SHISA6: variants seen among roughly 807,000 people sequenced by gnomAD.
SHISA6 encodes protein shisa-6.
Under a neutral mutation model 47.9 loss-of-function variants are expected in SHISA6, and 22 were observed. That is an observed-to-expected ratio of 0.46 (90% confidence interval 0.33 to 0.66). The LOEUF (loss-of-function observed/expected upper bound fraction) is 0.66, where lower values mean the gene tolerates loss of function less well. Among genes scored for constraint, SHISA6 ranks in the 30% least tolerant of loss-of-function variants. The pLI, the probability that SHISA6 is intolerant of heterozygous loss-of-function variation, is 0.02. For synonymous variants in SHISA6, 388 were observed against 337.8 expected (o/e 1.15, Z -1.63); for missense variants, 680 against 764.6 (o/e 0.89, Z 1.30).
At chr17:11,476,867 C>G (rs1172517250) in intron 3 of SHISA6, among the ~76,000 whole-genome samples, 1 of 152,092 alleles carries the variant, frequency 6.6e-6, no homozygotes, top group African/African-American at 2.4e-5. Context: ...ACTAATGTCT[C>G]CAACTGTAAC....
intron 3 of SHISA6, among the ~76,000 whole-genome samples, chr17:11,491,436 G>C (rs573402688): frequency 6.6e-6 from 1 of 152,250 alleles, no homozygotes; most frequent in South Asian, 2.1e-4. Flanking sequence ...AAGTAGCTGG[G>C]ACTACAAGCG....
chr17:11,422,666 G>A (rs1251827400), intron 3 of SHISA6, among the ~76,000 whole-genome samples: 1 of 151,908 alleles, frequency 6.6e-6, no homozygotes, highest in Non-Finnish European at 1.5e-5. Context: ...AGAGGCTAAG[G>A]CACAGAGAAT....
Position 11,241,481 on chromosome 17 carries a change from T to TCAG in SHISA6, c.59_60insCAG (p.Leu20_Pro21insArg). The TCAG allele has an allele frequency of 8.5e-7, 1 of 1,180,280 alleles. No individual in the cohort carries two copies. Among genetic ancestry groups the TCAG allele is most frequent in the Non-Finnish European group, 1.1e-6 (1 of 941,378 alleles). The allele number at this position is 1,180,280 out of a possible 1,614,324, so 73.1% of individuals were successfully genotyped here. ...CTCTCGCTGGAGTCCCTGGACCTGC[T>TCAG]GCCCAGCGTCCACGGAGCCCGCGGC... On this transcript the variant is annotated inframe_insertion, in exon 1 of 6. Transcript: ENST00000441885. The surrounding 1 kb of genome is among the most constrained non-coding windows in gnomAD (Gnocchi z 5.5).
intron 3 of SHISA6, among the ~76,000 whole-genome samples, chr17:11,451,526 C>G (rs1298583366): frequency 6.6e-6 from 1 of 152,102 alleles, no homozygotes; most frequent in Non-Finnish European, 1.5e-5. Flanking sequence ...GTGGCCTGAG[C>G]AAATCAAACA....
At position 11,525,646 on chromosome 17, in the gene SHISA6, AAAAAAC is replaced by A. The variant is rs1267586716; in HGVS notation, c.896-26244_896-26239del. Among the ~76,000 whole-genome samples, 73 of 94,350 alleles carry A rather than the reference AAAAAAC, an allele frequency of 7.7e-4. 2 individuals are homozygous for A. The highest frequency in any genetic ancestry group is 2.1e-3 in the African/African-American group (43 of 20,818). The allele number at this position is 94,350 out of a possible 152,430, so 61.9% of individuals were successfully genotyped here. On this transcript the variant is annotated intron_variant, in intron 3 of 5. Coordinates refer to ENST00000441885, the MANE Select transcript of SHISA6 (RefSeq NM_207386.4). The stretch of plus-strand genomic sequence containing the variant: ...GACTCCGTCTCAAAAAAAAAAAAAA[AAAAAAC>A]AAAAAAAAAAAAACGTGTTATAATA...
chr17:11,296,810 T>A (rs1227375469), intron 2 of SHISA6, among the ~76,000 whole-genome samples: 1 of 151,858 alleles, frequency 6.6e-6, no homozygotes, highest in East Asian at 1.9e-4. Context: ...TAGGAGCTGA[T>A]CAGAAAGGGA....
chr17:11,276,896 G>A (rs1434952250), intron 2 of SHISA6, among the ~76,000 whole-genome samples: 1 of 152,094 alleles, frequency 6.6e-6, no homozygotes, highest in African/African-American at 2.4e-5. Flanking sequence ...ACAATTACCA[G>A]GTTTATGAAA....
At chr17:11,543,723 A>C (rs1036433638) in intron 3 of SHISA6, among the ~76,000 whole-genome samples, 10 of 152,136 alleles carry the variant, frequency 6.6e-5, no homozygotes, top group African/African-American at 2.2e-4. Flanking sequence ...ATATAGCAAC[A>C]GTAATCAAAA....
At chr17:11,516,533 G>T (rs1054231707) in intron 3 of SHISA6, among the ~76,000 whole-genome samples, 2 of 152,172 alleles carry the variant, frequency 1.3e-5, no homozygotes, top group African/African-American at 2.4e-5. Flanking sequence ...GAAGGAGGGG[G>T]ATCTCAGGGA....
At chr17:11,247,469 A>C (rs1021561146) in intron 1 of SHISA6, among the ~76,000 whole-genome samples, 2 of 152,080 alleles carry the variant, frequency 1.3e-5, no homozygotes, top group African/African-American at 4.8e-5. Context: ...CTCCCCATTC[A>C]AACACCTGTA....
Position 11,493,337 on chromosome 17 carries a change from C to T in SHISA6, c.896-58559C>T, listed in dbSNP as rs571226714. ...CCACCACGGAGTTCAAGCAATTCTC[C>T]TGCCTCAGTCTCTGGAGTAGCTGGG... On this transcript the variant is annotated intron_variant, in intron 3 of 5. Coordinates refer to ENST00000441885, the MANE Select transcript of SHISA6 (RefSeq NM_207386.4). Among the ~76,000 whole-genome samples the T allele has an allele frequency of 6.6e-5, 10 of 152,260 alleles. No individual in the cohort carries two copies. The East Asian group carries it at 1.6e-3, about 24-fold the overall frequency.
At chr17:11,316,107 CT>C (rs1910503743) in intron 2 of SHISA6, among the ~76,000 whole-genome samples, 1 of 151,580 alleles carries the variant, frequency 6.6e-6, no homozygotes, top group Non-Finnish European at 1.5e-5. Context: ...CTAATTTTGT[CT>C]AGTTTATCTA....
intron 3 of SHISA6, among the ~76,000 whole-genome samples, chr17:11,538,802 C>G (rs1053743486): frequency 1.3e-5 from 2 of 152,226 alleles, no homozygotes; most frequent in Non-Finnish European, 2.9e-5. Flanking sequence ...AAAATACTTG[C>G]AGGCTCAAGG....
intron 3 of SHISA6, among the ~76,000 whole-genome samples, chr17:11,526,894 T>TAC (rs1286344773): frequency 0.018 from 275 of 15,260 alleles, 2 homozygotes; most frequent in African/African-American, 0.095. Context: ...TATATATATA[T>TAC]ATATATATAT....
intron 1 of SHISA6, among the ~76,000 whole-genome samples, chr17:11,243,798 C>A (rs1291331242): frequency 6.6e-6 from 1 of 152,158 alleles, no homozygotes; most frequent in Non-Finnish European, 1.5e-5. Context: ...TCTCATTAAA[C>A]CTTCTGCTCT....
chr17:11,502,493 C>T (rs1179835791), intron 3 of SHISA6, among the ~76,000 whole-genome samples: 2 of 150,266 alleles, frequency 1.3e-5, no homozygotes, highest in Non-Finnish European at 1.5e-5. Flanking sequence ...TTTGGGAGGC[C>T]GAGACAGGTG....
chr17:11,419,023 A>G (rs949785685), intron 3 of SHISA6, among the ~76,000 whole-genome samples: 8 of 151,138 alleles, frequency 5.3e-5, no homozygotes, highest in African/African-American at 1.7e-4. Context: ...TGTGATTAAC[A>G]TGGACACAGG....
chr17:11,263,504 G>A lies in SHISA6; in HGVS notation c.777G>A (p.Val259=). The A allele has an allele frequency of 6.4e-7, 1 of 1,551,658 alleles. No homozygotes were observed. Among genetic ancestry groups the A allele is most frequent in the Non-Finnish European group, 8.7e-7 (1 of 1,146,990 alleles). The part of the protein sequence containing the change: ...RSSSKNHYTP[V]RTAKQTPGHY... ...CCTCCAAAAACCACTACACTCCTGTGCGTACGGCCAAGCAGACTCCAGGTA... is the reference window on the plus strand; with the variant it reads ...CCTCCAAAAACCACTACACTCCTGTACGTACGGCCAAGCAGACTCCAGGTA... Residue 259 remains valine (V), a synonymous_variant, in exon 2 of 6, where the codon GTG becomes GTA. Transcript: ENST00000441885.
chr17:11,461,627 A>T (rs1915694664), intron 3 of SHISA6, among the ~76,000 whole-genome samples: 1 of 152,188 alleles, frequency 6.6e-6, no homozygotes, highest in Admixed American at 6.5e-5. Flanking sequence ...ACAGGAAGGT[A>T]AGGCAGAGCA....
Sources: gnomAD v4.1 joint callset for allele counts (sites outside exome capture counted in the v4.1 genomes callset) on GRCh38, gnomAD v4.1.1 for gene constraint, Gnocchi (gnomAD v3.1) non-coding constraint, MANE v1.5 for transcripts, NCBI Gene and HGNC (gene_info 2026-07-23, HGNC 2026-07-21) for gene names.